BNC2: variants seen among roughly 807,000 people sequenced by gnomAD.
BNC2 encodes zinc finger protein basonuclin-2.
BNC2 carries 20 observed loss-of-function variants against 76.3 expected under a neutral mutation model. The observed-to-expected ratio is 0.26, with a 90% CI of 0.18 to 0.38. The LOEUF is 0.38. BNC2 is among the 10% of genes least tolerant of loss of function. The probability of loss-of-function intolerance (pLI) is 1.00; values close to 1 mark genes in which losing one functional copy is unlikely to be tolerated. For synonymous variants in BNC2, 582 were observed against 514.8 expected, an observed-to-expected ratio of 1.13 and a Z score of -1.77; for missense variants, 1,382 against 1,399.8, an observed-to-expected ratio of 0.99 and a Z score of 0.20.
intron 5 of BNC2, among the ~76,000 whole-genome samples, chr9:16,499,772 A>C (rs1273782371): frequency 6.6e-6 from 1 of 151,746 alleles, no homozygotes; most frequent in Non-Finnish European, 1.5e-5. Flanking sequence ...CTCAAGTGAT[A>C]AGCCTGCCTC....
intron 3 of BNC2, among the ~76,000 whole-genome samples, chr9:16,606,210 T>C (rs1300291045): frequency 6.6e-6 from 1 of 152,112 alleles, no homozygotes; most frequent in East Asian, 1.9e-4. Context: ...AATTCAAACA[T>C]GTATAAAAGA....
At chr9:16,506,203 C>T (rs1297256187) in intron 5 of BNC2, among the ~76,000 whole-genome samples, 1 of 152,124 alleles carries the variant, frequency 6.6e-6, no homozygotes, top group African/African-American at 2.4e-5. Context: ...GTTCCACAAA[C>T]TTTTTACAGG....
intron 5 of BNC2, among the ~76,000 whole-genome samples, chr9:16,449,229 C>CCACATTAA (rs1323022520): frequency 6.6e-6 from 1 of 152,206 alleles, no homozygotes; most frequent in Non-Finnish European, 1.5e-5. Context: ...GCCCACTTCT[C>CCACATTAA]CACATTAACG....
intron 1 of BNC2, among the ~76,000 whole-genome samples, chr9:16,860,573 G>A (rs563855157): frequency 6.6e-6 from 1 of 152,142 alleles, no homozygotes; most frequent in Non-Finnish European, 1.5e-5. Flanking sequence ...CCCTGTGGGA[G>A]CTCAAACTGT....
At chr9:16,606,134 C>A (rs191205565) in intron 3 of BNC2, among the ~76,000 whole-genome samples, 2 of 152,072 alleles carry the variant, frequency 1.3e-5, no homozygotes, top group South Asian at 2.1e-4. Context: ...ACATTTGAGT[C>A]CTAAGTAAGA....
intron 1 of BNC2, among the ~76,000 whole-genome samples, chr9:16,761,823 C>A (rs960393122): frequency 1.3e-5 from 2 of 152,088 alleles, no homozygotes; most frequent in Admixed American, 1.3e-4. Context: ...CACCTAACTA[C>A]AAAGGCCCAT....
At chr9:16,739,670 CTCAA>C (rs1250667772) in intron 1 of BNC2, among the ~76,000 whole-genome samples, 1 of 151,970 alleles carries the variant, frequency 6.6e-6, no homozygotes, top group African/African-American at 2.4e-5. Context: ...AAAACTCCAT[CTCAA>C]TCAATCAGTC....
At chr9:16,856,884 A>C (rs1819271506) in intron 1 of BNC2, among the ~76,000 whole-genome samples, 1 of 152,160 alleles carries the variant, frequency 6.6e-6, no homozygotes, top group Non-Finnish European at 1.5e-5. Flanking sequence ...TATTACAGGG[A>C]GATTAGATAC....
At chr9:16,599,375 A>T (rs1820181535) in intron 3 of BNC2, among the ~76,000 whole-genome samples, 2 of 152,244 alleles carry the variant, frequency 1.3e-5, no homozygotes, top group Admixed American at 1.3e-4. Flanking sequence ...TGCAAGGCAG[A>T]GATGGCTGTG....
At chr9:16,498,559 G>T (rs1326844532) in intron 5 of BNC2, among the ~76,000 whole-genome samples, 3 of 151,372 alleles carry the variant, frequency 2.0e-5, no homozygotes, top group Non-Finnish European at 2.9e-5. Flanking sequence ...TACAAATATG[G>T]TACAGTGTAT....
At chr9:16,621,559 T>G (rs968796096) in intron 3 of BNC2, among the ~76,000 whole-genome samples, 1 of 152,212 alleles carries the variant, frequency 6.6e-6, no homozygotes, top group African/African-American at 2.4e-5. Flanking sequence ...AGTTACTTTT[T>G]CACTTGTATA....
At chr9:16,597,809 A>C (rs576781601) in intron 3 of BNC2, among the ~76,000 whole-genome samples, 5 of 152,120 alleles carry the variant, frequency 3.3e-5, no homozygotes, top group South Asian at 2.1e-4. Context: ...TTAAAATATA[A>C]ATTTATCTAT....
At chr9:16,724,259 C>T (rs1329624935) in intron 3 of BNC2, among the ~76,000 whole-genome samples, 1 of 151,764 alleles carries the variant, frequency 6.6e-6, no homozygotes, top group African/African-American at 2.4e-5. Flanking sequence ...GAGATAGCTA[C>T]AAGAATTTTA....
rs937222876 is a variant in BNC2 at position 16,420,568 on chromosome 9, CACA to C, written c.2640-922_2640-920del. On this transcript the variant is annotated intron_variant, in intron 6 of 6. Coordinates refer to ENST00000380672, the MANE Select transcript of BNC2 (RefSeq NM_017637.6). ...ACACAGTAAGTACAAAAAAATCAAG[CACA>C]ACAATAACATAGGGTTCCTTTACTT... Among the ~76,000 whole-genome samples, 7 of 151,984 alleles carry C rather than the reference CACA, an allele frequency of 4.6e-5. No individual in the cohort carries two copies. In the South Asian group the frequency reaches 6.2e-4, roughly 14 times the overall value.
chr9:16,465,656 C>T (rs1821690185), intron 5 of BNC2, among the ~76,000 whole-genome samples: 1 of 152,134 alleles, frequency 6.6e-6, no homozygotes, highest in African/African-American at 2.4e-5. Context: ...ACACATATAA[C>T]ATGAATATTA....
intron 3 of BNC2, among the ~76,000 whole-genome samples, chr9:16,677,944 T>C (rs537207546): frequency 6.6e-6 from 1 of 152,158 alleles, no homozygotes; most frequent in Non-Finnish European, 1.5e-5. Context: ...ATTATAGATA[T>C]AAATCTTTTA....
intron 1 of BNC2, among the ~76,000 whole-genome samples, chr9:16,868,457 T>G (rs1819596458): frequency 6.6e-6 from 1 of 152,222 alleles, no homozygotes; most frequent in African/African-American, 2.4e-5. Flanking sequence ...GTAGTAGGAA[T>G]GTACTGCTAT....
intron 5 of BNC2, among the ~76,000 whole-genome samples, chr9:16,446,654 G>T (rs1295688670): frequency 6.6e-6 from 1 of 152,068 alleles, no homozygotes; most frequent in Non-Finnish European, 1.5e-5. Flanking sequence ...CTTGACATTT[G>T]ATTTAAAAAA....
chr9:16,727,201 A>AGGAGC (rs1466103034), intron 3 of BNC2: 2 of 152,892 alleles, frequency 1.3e-5, no homozygotes, highest in East Asian at 1.9e-4. Context: ...GCTGGCAAGG[A>AGGAGC]GGAGCGGAGC....
Sources: allele counts gnomAD v4.1 joint callset (sites outside exome capture counted in the v4.1 genomes callset), GRCh38; gene constraint gnomAD v4.1.1; transcripts MANE v1.5; gene names NCBI Gene and HGNC (gene_info 2026-07-23, HGNC 2026-07-21).